Variants in MTA3 observed in about 807,000 individuals in gnomAD.
MTA3 encodes metastasis associated 1 family member 3, also known as metastasis-associated protein MTA3.
Under a neutral mutation model 83.5 loss-of-function variants are expected in MTA3, and 34 were observed. That is an observed-to-expected ratio of 0.41 (90% CI 0.31 to 0.54). The LOEUF (loss-of-function observed/expected upper bound fraction) is 0.54, where lower values mean the gene tolerates loss of function less well. Ranked by LOEUF, MTA3 falls within the 20% of genes least tolerant of loss-of-function variation. MTA3 has a pLI of 0.33. For missense variants in MTA3, 761 were observed against 726.4 expected (o/e 1.05, Z -0.55); for synonymous variants, 303 against 252.7 (o/e 1.20, Z -1.89).
chr2:42,616,731 A>G (rs568726497), intron 4 of MTA3, among the ~76,000 whole-genome samples: 1 of 151,448 alleles, frequency 6.6e-6, no homozygotes, highest in East Asian at 2.0e-4. Context: ...AGCTCACGCC[A>G]CTATGCCTGG....
chr2:42,560,675 T>C (rs923546604), intron 2 of MTA3, among the ~76,000 whole-genome samples: 2 of 150,624 alleles, frequency 1.3e-5, no homozygotes, highest in African/African-American at 4.9e-5. Flanking sequence ...GAGGCTGAGG[T>C]GGGCGGATCA....
At position 42,753,670 on chromosome 2, in the gene MTA3, G is replaced by A. The variant is rs1295299699; in HGVS notation, c.*271G>A. On this transcript the variant is annotated 3_prime_UTR_variant, in exon 17 of 17. Transcript: ENST00000405094. Reference sequence around the variant, plus strand: ...ACCTGCTGAGAATTGAGGGGCTGAGGGAACCCCTCCACCTCCTCCCTTCTG... The same window carrying A: ...ACCTGCTGAGAATTGAGGGGCTGAGAGAACCCCTCCACCTCCTCCCTTCTG... 1 of 1,297,282 alleles carries A rather than the reference G, an allele frequency of 7.7e-7. No individual in the cohort carries two copies. The highest frequency in any genetic ancestry group is 9.8e-7 in the Non-Finnish European group (1 of 1,015,416). 80.4% of individuals were successfully genotyped at this position (1,297,282 alleles called of 1,614,324 possible).
At chr2:42,740,469 C>T (rs781389014) in intron 16 of MTA3, among the ~76,000 whole-genome samples, 2 of 152,204 alleles carry the variant, frequency 1.3e-5, no homozygotes, top group Non-Finnish European at 2.9e-5. Context: ...CATGTCACTG[C>T]ACTCCAGCCT....
At chr2:42,507,658 G>A (rs373597379) in intron 2 of MTA3, among the ~76,000 whole-genome samples, 9 of 151,072 alleles carry the variant, frequency 6.0e-5, no homozygotes, top group East Asian at 2.0e-4. Context: ...GTCAGGTGCC[G>A]TGGCTCACAC....
chr2:42,616,019 C>T (rs1009816585), intron 4 of MTA3, among the ~76,000 whole-genome samples: 3 of 142,440 alleles, frequency 2.1e-5, no homozygotes, highest in Non-Finnish European at 3.1e-5. Flanking sequence ...CGTGCCCGGC[C>T]GTACAGGCGT....
intron 13 of MTA3, 137 bp downstream of exon 13, chr2:42,708,191 T>G (rs1287446857): frequency 1.1e-6 from 1 of 875,594 alleles, no homozygotes; most frequent in Non-Finnish European, 1.6e-6. Context: ...ACTACAATAT[T>G]CAGGGTAGGT....
At chr2:42,608,901 AT>A (rs1411852073) in intron 3 of MTA3, among the ~76,000 whole-genome samples, 1 of 152,060 alleles carries the variant, frequency 6.6e-6, no homozygotes, top group Non-Finnish European at 1.5e-5. Flanking sequence ...AAGTGAATTA[AT>A]TTTTAAATTG....
chr2:42,708,269 A>T (rs568838847), intron 13 of MTA3, among the ~76,000 whole-genome samples: 1 of 152,252 alleles, frequency 6.6e-6, no homozygotes, highest in Non-Finnish European at 1.5e-5. Flanking sequence ...ACAAAAAAAC[A>T]ATGAGTGTGG....
chr2:42,601,882 C>G lies in MTA3; in HGVS notation c.191-7576C>G, dbSNP rs530473047. On this transcript the variant is annotated intron_variant, in intron 3 of 16. Coordinates refer to ENST00000405094, the MANE Select transcript of MTA3 (RefSeq NM_001330442.2). ...TCCCATGGAGTCTTGCTCTGTTGTC[C>G]AGGTTGGAGTGCAGTGGGATGATCT... is the stretch of plus-strand genomic sequence containing the variant. Among the ~76,000 whole-genome samples, 29 of 152,028 alleles carry G rather than the reference C, an allele frequency of 1.9e-4. 1 individual carries two copies. In the South Asian group the frequency reaches 6.0e-3, roughly 32 times the overall value.
intron 3 of MTA3, among the ~76,000 whole-genome samples, chr2:42,605,224 CCA>C (rs1427564274): frequency 7.4e-6 from 1 of 134,988 alleles, no homozygotes; most frequent in Non-Finnish European, 1.6e-5. Flanking sequence ...CTGACCCCCC[CCA>C]CCTCCCTCCC....
chr2:42,647,940 G>T (rs1462943602), intron 6 of MTA3, among the ~76,000 whole-genome samples: 4 of 152,100 alleles, frequency 2.6e-5, no homozygotes, highest in Non-Finnish European at 5.9e-5. Context: ...CCAAGTTCAA[G>T]CAATTTTCTC....
At chr2:42,608,282 A>AT (rs1683748428) in intron 3 of MTA3, among the ~76,000 whole-genome samples, 1 of 152,240 alleles carries the variant, frequency 6.6e-6, no homozygotes. Context: ...TCTAGTGCTA[A>AT]TAGTGCCAAT....
intron 16 of MTA3, among the ~76,000 whole-genome samples, chr2:42,731,817 C>T (rs1487802436): frequency 2.0e-5 from 3 of 152,136 alleles, no homozygotes; most frequent in African/African-American, 7.2e-5. Flanking sequence ...AGGCAAGTCC[C>T]TTCTCCCTAT....
intron 8 of MTA3, 110 bp from the exon 9 acceptor site, chr2:42,682,291 A>G (rs1692005258): frequency 1.1e-5 from 8 of 732,480 alleles, no homozygotes; most frequent in Non-Finnish European, 1.6e-5. Flanking sequence ...TAAAAAATAA[A>G]TAAGTATATT....
In MTA3 at chr2:42,522,534, G is replaced by A. The variant is rs149985035; in HGVS notation, c.-141+27280G>A. Reference sequence around the variant, plus strand: ...GGAGGGACCCAGTGCGGTGGCTCACGCCTATAATCTCAGCACTTTGGGAGG... The same window carrying A: ...GGAGGGACCCAGTGCGGTGGCTCACACCTATAATCTCAGCACTTTGGGAGG... On this transcript the variant is annotated intron_variant, in intron 2 of 17. Transcript: ENST00000405592. Among the ~76,000 whole-genome samples, 130 of 152,230 alleles carry A rather than the reference G, an allele frequency of 8.5e-4. 1 individual carries two copies. The East Asian group carries it at 0.019, about 23-fold the overall frequency.
chr2:42,621,123 C>CT (rs780311423), intron 4 of MTA3, among the ~76,000 whole-genome samples: 18 of 72,990 alleles, frequency 2.5e-4, no homozygotes, highest in Non-Finnish European at 4.7e-4. Flanking sequence ...CAATGTTACT[C>CT]TTATTAGAGT....
Position 42,755,262 on chromosome 2 carries a change from C to G in MTA3, c.*1863C>G. On this transcript the variant is annotated 3_prime_UTR_variant, in exon 17 of 17. Coordinates refer to ENST00000405094, the MANE Select transcript of MTA3 (RefSeq NM_001330442.2). ...TGATTCCCTCACCCTTTCACTTTCTCTCTGAACCCCTACTAAGTGGTGACT... is the reference window on the plus strand; with the variant it reads ...TGATTCCCTCACCCTTTCACTTTCTGTCTGAACCCCTACTAAGTGGTGACT... 1 of 985,504 alleles carries G rather than the reference C, an allele frequency of 1.0e-6. No homozygotes were observed. Among genetic ancestry groups the G allele is most frequent in the Non-Finnish European group, 1.2e-6 (1 of 829,968 alleles). 61.0% of individuals were successfully genotyped at this position (985,504 alleles called of 1,614,324 possible).
At chr2:42,704,491 T>A (rs922326166) in intron 12 of MTA3, among the ~76,000 whole-genome samples, 173 bp downstream of exon 12, 4 of 152,210 alleles carry the variant, frequency 2.6e-5, no homozygotes, top group Non-Finnish European at 5.9e-5. Context: ...AGGGACTGTT[T>A]ATTGAATCCT....
chr2:42,527,614 AC>A (rs1210006376), intron 2 of MTA3, among the ~76,000 whole-genome samples: 4 of 152,116 alleles, frequency 2.6e-5, no homozygotes, highest in Non-Finnish European at 5.9e-5. Flanking sequence ...AGAATACCTG[AC>A]CAGTACTCCT....
Sources: allele counts gnomAD v4.1 joint callset (sites outside exome capture counted in the v4.1 genomes callset), GRCh38; gene constraint gnomAD v4.1.1; transcripts MANE v1.5; gene names NCBI Gene and HGNC (gene_info 2026-07-23, HGNC 2026-07-21).